Variants in POLD1 observed in about 807,000 individuals in gnomAD.
POLD1 encodes the protein DNA polymerase delta catalytic subunit.
Under a neutral mutation model 129.7 loss-of-function variants are expected in POLD1, and 79 were observed. The observed-to-expected ratio is 0.61, with a 90% CI of 0.51 to 0.73. The LOEUF (loss-of-function observed/expected upper bound fraction) is 0.73, where lower values mean the gene tolerates loss of function less well. POLD1 is among the 30% of genes least tolerant of loss of function. POLD1 has a pLI of 0.00. For missense variants in POLD1, 1,338 were observed against 1,595.8 expected, an observed-to-expected ratio of 0.84 and a Z score of 2.75; for synonymous variants, 714 against 683.3, an observed-to-expected ratio of 1.04 and a Z score of -0.70.
At chr19:50,411,175 CTG>C in intron 17 of POLD1, 1 of 152,336 alleles carries the variant, frequency 6.6e-6, no homozygotes, top group East Asian at 1.9e-4. Context: ...AACAGAGACA[CTG>C]TTATCAGGCG....
Position 50,406,429 on chromosome 19 carries a change from T to A in POLD1, c.1406T>A (p.Leu469His), listed in dbSNP as rs1221064627. ...MLQVLLREYKLRSYTLNAVSF... is the reference protein window; with the variant it reads ...MLQVLLREYKHRSYTLNAVSF... Reference sequence around the variant, plus strand: ...TAGGTGCTGCTGCGGGAGTACAAGCTCCGCTCCTACACGCTCAATGCCGTG... The same window carrying A: ...TAGGTGCTGCTGCGGGAGTACAAGCACCGCTCCTACACGCTCAATGCCGTG... Residue 469 changes from leucine (L) to histidine (H), a missense_variant, in exon 12 of 27, where the codon CTC (leucine) becomes CAC (histidine). By Grantham distance (99) the Leu-to-His change is moderately conservative. Around this residue, in one of 3 missense-constraint regions of POLD1, gnomAD observed 720 missense variants for 1,002.6 expected, o/e 0.72. Transcript: ENST00000440232. This position sits in a 1 kb window ranked among gnomAD's most constrained non-coding sequence, Gnocchi z 5.5. The A allele has an allele frequency of 6.2e-7, 1 of 1,600,636 alleles. No homozygotes were observed. Among genetic ancestry groups the A allele is most frequent in the East Asian group, 2.3e-5 (1 of 44,260 alleles).
Position 50,399,454 on chromosome 19 carries a change from T to G in POLD1, c.286T>G (p.Phe96Val). ...GGACCCCCAGACAGAGCCCCTCATC[T>G]TCCAACAGTTGGAGATTGACCATTA... The part of the protein sequence containing the change: ...ALDPQTEPLI[F>V]QQLEIDHYVG... Residue 96 changes from phenylalanine (F) to valine (V), a missense_variant, in exon 3 of 27, where the codon TTC (phenylalanine) becomes GTC (valine). By Grantham distance (50) the Phe-to-Val change is conservative. Coordinates refer to ENST00000440232, the MANE Select transcript of POLD1 (RefSeq NM_002691.4). 1 of 1,613,918 alleles carries G rather than the reference T, an allele frequency of 6.2e-7. No homozygotes were observed. The highest frequency in any genetic ancestry group is 8.5e-7 in the Non-Finnish European group (1 of 1,179,786).
intron 1 of POLD1, among the ~76,000 whole-genome samples, chr19:50,387,418 CTG>C (rs762850136): frequency 1.1e-4 from 16 of 152,176 alleles, no homozygotes; most frequent in Non-Finnish European, 2.1e-4. Context: ...TGCTGAATCT[CTG>C]TTAAGTGCTT....
chr19:50,406,740 C>T lies in POLD1; in HGVS notation c.1494+223C>T, dbSNP rs567096644. On this transcript the variant is annotated intron_variant, in intron 12 of 26. Coordinates refer to ENST00000440232, the MANE Select transcript of POLD1 (RefSeq NM_002691.4). The surrounding 1 kb of genome is among the most constrained non-coding windows in gnomAD (Gnocchi z 5.5). ...TATGACCTTGTCTCTGCTTTCCTGG[C>T]CTGACCACAGGTCCACGGTGGCCTT... is the stretch of plus-strand genomic sequence containing the variant. 6.6e-6 allele frequency among the ~76,000 whole-genome samples: 1 copy of T among 152,130 alleles called. No homozygotes were observed. The highest frequency in any genetic ancestry group is 1.5e-5 in the Non-Finnish European group (1 of 68,024).
rs1200514497 is a variant in POLD1 at position 50,402,255 on chromosome 19, G to A, written c.640G>A (p.Val214Met). Reference sequence around the variant, plus strand: ...CCCCTCCCCGTTCCTGCGCATCACCGTGGCGCTGCCGCGCCTCGTGGCCCC... The same window carrying A: ...CCCCTCCCCGTTCCTGCGCATCACCATGGCGCTGCCGCGCCTCGTGGCCCC... ...HGPSPFLRIT[V>M]ALPRLVAPAR... is the part of the protein sequence containing the mutation. Residue 214 changes from valine to methionine, a missense_variant, in exon 6 of 27, where the codon GTG becomes ATG. This residue lies in a region of POLD1 where 332 missense variants were observed against 315.7 expected (regional missense o/e 1.05). Coordinates refer to ENST00000440232, the MANE Select transcript of POLD1 (RefSeq NM_002691.4). 3.1e-6 allele frequency: 5 copies of A among 1,600,854 alleles called. No homozygotes were observed. Among genetic ancestry groups the A allele is most frequent in the East Asian group, 2.2e-5 (1 of 44,720 alleles).
chr19:50,399,270 C>A, intron 2 of POLD1, 101 bp from the exon 3 acceptor site: 1 of 1,174,694 alleles, frequency 8.5e-7, no homozygotes, highest in Non-Finnish European at 1.2e-6. Flanking sequence ...CTGCCTGACC[C>A]AGACCACCAC....
rs752830545 is a variant in POLD1 at position 50,416,671 on chromosome 19, C to A, written c.3015C>A (p.Phe1005Leu). ...LTGKVGGLLA[F>L]AKRRNCCIGC... ...GCAAGGTGGGCGGCCTCCTGGCCTT[C>A]GCCAAACGCCGCAACTGCTGCATTG... The change falls in exon 24 of 27, where the codon TTC becomes TTA. Residue 1005 changes from phenylalanine (F) to leucine (L), a missense_variant. Around this residue, in one of 3 missense-constraint regions of POLD1, gnomAD observed 286 missense variants for 277.5 expected, o/e 1.03. Coordinates refer to ENST00000440232, the MANE Select transcript of POLD1 (RefSeq NM_002691.4). 6.4e-7 allele frequency: 1 copy of A among 1,556,456 alleles called. No individual in the cohort carries two copies. The highest frequency in any genetic ancestry group is 2.4e-5 in the East Asian group (1 of 41,736).
At chr19:50,397,858 A>G (rs1259718852) in intron 1 of POLD1, among the ~76,000 whole-genome samples, 1 of 152,166 alleles carries the variant, frequency 6.6e-6, no homozygotes, top group East Asian at 1.9e-4. Context: ...AGTTGGAGAA[A>G]TTGGGAAAGG....
chr19:50,402,735 C>G lies in POLD1; in HGVS notation c.964C>G (p.Arg322Gly), dbSNP rs750155990. The G allele has an allele frequency of 2.5e-6, 4 of 1,591,208 alleles. No homozygotes were observed. The highest frequency in any genetic ancestry group is 3.4e-6 in the Non-Finnish European group (4 of 1,164,594). Reference protein sequence around the residue: ...VLSFDIECAGRKGIFPEPERD... With the variant: ...VLSFDIECAGGKGIFPEPERD... The stretch of plus-strand genomic sequence containing the variant: ...CAGCTTCGATATCGAGTGCGCCGGC[C>G]GCAAAGGTCTGTCCCCGGGCCCGGG... Residue 322 changes from arginine (R) to glycine (G), a missense_variant, in exon 8 of 27, where the codon CGC becomes GGC. Arg to Gly is a moderately radical substitution (Grantham distance 125). Around this residue, in one of 3 missense-constraint regions of POLD1, gnomAD observed 720 missense variants for 1,002.6 expected, o/e 0.72. Coordinates refer to ENST00000440232, the MANE Select transcript of POLD1 (RefSeq NM_002691.4).
intron 3 of POLD1, among the ~76,000 whole-genome samples, chr19:50,400,211 ATTTTTTTTTTTT>A (rs549820323): frequency 2.9e-5 from 2 of 67,814 alleles, no homozygotes; most frequent in Non-Finnish European, 5.4e-5. Flanking sequence ...CTGGCCAATA[ATTTTTTTTTTTT>A]TTTTTTTTTT....
At chr19:50,395,876 CTTTTT>C (rs774272686) in intron 1 of POLD1, among the ~76,000 whole-genome samples, 176 of 73,660 alleles carry the variant, frequency 2.4e-3, no homozygotes, top group African/African-American at 9.2e-3. Context: ...AGGATATATA[CTTTTT>C]TTTTTTTTTT....
In POLD1 at chr19:50,403,525, C is replaced by T. The variant is rs753635334; in HGVS notation, c.1170C>T (p.Pro390=). The change falls in exon 10 of 27, where the codon CCC becomes CCT. Residue 390 remains proline (P), a synonymous_variant. Coordinates refer to ENST00000440232, the MANE Select transcript of POLD1 (RefSeq NM_002691.4). ...CCACCTTCATCCGTATCATGGACCC[C>T]GACGTGATCACCGGTTACAACATCC... is the stretch of plus-strand genomic sequence containing the variant. ...AWSTFIRIMD[P]DVITGYNIQN... 33 of 1,613,956 alleles carry T rather than the reference C, an allele frequency of 2.0e-5. No homozygotes were observed. The highest frequency in any genetic ancestry group is 2.4e-5 in the Non-Finnish European group (28 of 1,179,918).
chr19:50,406,062 G>C lies in POLD1; in HGVS notation c.1243-120G>C. 8.3e-7 allele frequency: 1 copy of C among 1,205,048 alleles called. No homozygotes were observed. Among genetic ancestry groups the C allele is most frequent in the Non-Finnish European group, 1.2e-6 (1 of 847,238 alleles). 74.6% of individuals were successfully genotyped at this position (1,205,048 alleles called of 1,614,324 possible). Reference sequence around the variant, plus strand: ...GCCCCAGACCGTCTTTCTGCCCCCAGGGTTGCTCTCGACCCCCTAGGGTTG... The same window carrying C: ...GCCCCAGACCGTCTTTCTGCCCCCACGGTTGCTCTCGACCCCCTAGGGTTG... On this transcript the variant is annotated intron_variant, in intron 10 of 26. Transcript: ENST00000440232. The surrounding 1 kb of genome is among the most constrained non-coding windows in gnomAD (Gnocchi z 5.5).
At chr19:50,417,734 G>T in intron 26 of POLD1, 108 bp from the exon 27 acceptor site, 1 of 677,624 alleles carries the variant, frequency 1.5e-6, no homozygotes, top group Non-Finnish European at 2.7e-6. Flanking sequence ...GGGCGGGTGG[G>T]CTGGGCAGCA....
At chr19:50,385,770 C>A (rs1274157865) in intron 1 of POLD1, among the ~76,000 whole-genome samples, 6 of 152,120 alleles carry the variant, frequency 3.9e-5, no homozygotes. Context: ...CTCAGGTGAT[C>A]CACTTGCCTC....
At chr19:50,403,414 G>A (rs1001776186) in intron 9 of POLD1, 79 bp from the exon 10 acceptor site, 1 of 1,248,940 alleles carries the variant, frequency 8.0e-7, no homozygotes, top group Admixed American at 1.7e-5. Context: ...GGGGTGGCTG[G>A]GGTTCTAGAA....
chr19:50,417,671 T>TCCCCCCCCCCCCCCCCCCCCCCCCCC (rs3840923), intron 26 of POLD1, among the ~76,000 whole-genome samples, 171 bp from the exon 27 acceptor site: 24 of 110,506 alleles, frequency 2.2e-4, no homozygotes, highest in East Asian at 2.9e-4. Context: ...TGTTATCGGC[T>TCCCCCCCCCCCCCCCCCCCCCCCCCC]CCCCCCCCCC....
chr19:50,404,445 G>A (rs1437237662), intron 10 of POLD1, among the ~76,000 whole-genome samples: 1 of 147,558 alleles, frequency 6.8e-6, no homozygotes, highest in African/African-American at 2.6e-5. Flanking sequence ...TGTGTTTTTA[G>A]TAGAGACGGG....
rs138293440 is a variant in POLD1 at position 50,408,800 on chromosome 19, C to T, written c.1791C>T (p.Pro597=). Residue 597 remains proline (P), a synonymous_variant, in exon 15 of 27, where the codon CCC becomes CCT. Transcript: ENST00000440232. ...CCCCTCCCAGGTACTACGACGTCCC[C>T]ATCGCCACCCTGGACTTCTCCTCGC... is the stretch of plus-strand genomic sequence containing the variant. ...IEPLKGYYDV[P]IATLDFSSLY... is the part of the protein sequence containing the mutation. The T allele has an allele frequency of 1.9e-5, 31 of 1,613,824 alleles. No individual in the cohort carries two copies. The highest frequency in any genetic ancestry group is 2.7e-5 in the African/African-American group (2 of 74,936).
Sources: gnomAD v4.1 joint callset for allele counts (sites outside exome capture counted in the v4.1 genomes callset) on GRCh38, gnomAD v4.1.1 for gene constraint, gnomAD v4.1.1 regional missense constraint, Gnocchi (gnomAD v3.1) non-coding constraint, MANE v1.5 for transcripts, NCBI Gene and HGNC (gene_info 2026-07-23, HGNC 2026-07-21) for gene names.